SPATA13: variants seen among roughly 807,000 people sequenced by gnomAD.
SPATA13 encodes spermatogenesis-associated protein 13.
A neutral mutation model predicts 104.0 loss-of-function variants in SPATA13; 50 were observed. The observed-to-expected ratio is 0.48, with a 90% CI of 0.38 to 0.61. The LOEUF (loss-of-function observed/expected upper bound fraction) is 0.61. Ranked by LOEUF, SPATA13 falls within the 20% of genes least tolerant of loss-of-function variation. SPATA13 has a pLI of 0.00. For missense variants in SPATA13, 1,524 were observed against 1,690.6 expected (o/e 0.90, Z 1.73); for synonymous variants, 606 against 667.5 (o/e 0.91, Z 1.42).
intron 1 of SPATA13, among the ~76,000 whole-genome samples, chr13:24,177,898 C>T (rs1566134802): frequency 6.6e-6 from 1 of 151,668 alleles, no homozygotes; most frequent in Non-Finnish European, 1.5e-5. Flanking sequence ...ACTTTGTCAC[C>T]CAGGCTGGAG....
chr13:24,223,237 A>G lies in SPATA13; in HGVS notation c.308A>G (p.Asn103Ser). The G allele has an allele frequency of 6.4e-7, 1 of 1,551,716 alleles. No homozygotes were observed. The highest frequency in any genetic ancestry group is 1.2e-5 in the South Asian group (1 of 84,058). Residue 103 changes from asparagine (N) to serine (S), a missense_variant, in exon 2 of 13, where the codon AAC becomes AGC. Transcript: ENST00000382108. ...MVLVGNSSTWNTLASFRKMGS... is the reference protein window; with the variant it reads ...MVLVGNSSTWSTLASFRKMGS... ...CTGGTGGGGAACTCCTCCACATGGA[A>G]CACCCTCGCCTCCTTCCGGAAAATG...
rs1458068316 is a variant in SPATA13 at position 24,103,504 on chromosome 13, A to AAAAAAAAAAAAAAG, written c.-112+85804_-112+85805insAAAAAAAAAAAAGA. Among the ~76,000 whole-genome samples the AAAAAAAAAAAAAAG allele has an allele frequency of 6.5e-4, 75 of 115,586 alleles. 3 individuals carry two copies. Among genetic ancestry groups the AAAAAAAAAAAAAAG allele is most frequent in the Non-Finnish European group, 9.7e-4 (54 of 55,952 alleles). The allele number at this position is 115,586 out of a possible 152,430, so 75.8% of individuals were successfully genotyped here. On this transcript the variant is annotated intron_variant, in intron 3 of 14. Transcript: ENST00000424834. Reference sequence around the variant, plus strand: ...TGTCTCAAAAAAAAAAAAAAAAAACAAGAAAGAAAAGAGCAGGGGAGGAGA... The same window carrying AAAAAAAAAAAAAAG: ...TGTCTCAAAAAAAAAAAAAAAAAACAAAAAAAAAAAAAAGAGAAAGAAAAGAGCAGGGGAGGAGA...
At chr13:24,299,614 G>T (rs1877039628) in intron 11 of SPATA13, among the ~76,000 whole-genome samples, 1 of 152,322 alleles carries the variant, frequency 6.6e-6, no homozygotes, top group Middle Eastern at 3.4e-3. Flanking sequence ...AGTGGGCAGA[G>T]GTAGAGAGGG....
chr13:24,174,695 G>C (rs1482883577), intron 1 of SPATA13, among the ~76,000 whole-genome samples: 2 of 152,124 alleles, frequency 1.3e-5, no homozygotes, highest in Non-Finnish European at 2.9e-5. Context: ...TCCTGCCTCA[G>C]TCTCCCAAGT....
chr13:24,062,356 G>A (rs1335031317), intron 3 of SPATA13, among the ~76,000 whole-genome samples: 1 of 152,224 alleles, frequency 6.6e-6, no homozygotes, highest in Non-Finnish European at 1.5e-5. Flanking sequence ...GGGGGCAGGA[G>A]GCCAGGGACT....
In SPATA13 at chr13:24,173,362, TTGTGTGTGTGTG is replaced by T. The variant is rs60850610; in HGVS notation, c.-112+12459_-112+12470del. On this transcript the variant is annotated intron_variant, in intron 1 of 12. Transcript: ENST00000382108. ...GTGGAACTCACTCATTAGTTCTTAGTTGTGTGTGTGTGTGTGTGTGTGTGTGTGTGTGTGTGT... is the reference window on the plus strand; with the variant it reads ...GTGGAACTCACTCATTAGTTCTTAGTTGTGTGTGTGTGTGTGTGTGTGTGT... Among the ~76,000 whole-genome samples the T allele has an allele frequency of 7.7e-3, 1,135 of 146,828 alleles. 2 individuals are homozygous for T. Among genetic ancestry groups the T allele is most frequent in the African/African-American group, 0.012 (469 of 39,318 alleles).
chr13:24,020,931 A>G (rs1244262390), intron 3 of SPATA13, among the ~76,000 whole-genome samples: 1 of 152,136 alleles, frequency 6.6e-6, no homozygotes, highest in East Asian at 1.9e-4. Context: ...AATCCCAGCT[A>G]CTCAGGAGGC....
chr13:23,992,993 A>G (rs904938995), intron 2 of SPATA13, among the ~76,000 whole-genome samples: 4 of 152,244 alleles, frequency 2.6e-5, no homozygotes, highest in Admixed American at 1.3e-4. Context: ...GCTGCCTGTC[A>G]TATTTTCACC....
chr13:24,163,115 G>C (rs1353998135), intron 1 of SPATA13, among the ~76,000 whole-genome samples: 1 of 152,168 alleles, frequency 6.6e-6, no homozygotes, highest in Non-Finnish European at 1.5e-5. Flanking sequence ...AAAATGACCT[G>C]GCTGGGCACA....
intron 2 of SPATA13, among the ~76,000 whole-genome samples, chr13:24,241,156 T>TA (rs1215257045): frequency 6.6e-6 from 1 of 152,198 alleles, no homozygotes; most frequent in Non-Finnish European, 1.5e-5. Context: ...AAGATCCTAG[T>TA]AAAAAATGCA....
At chr13:24,084,651 G>C (rs1460510663) in intron 3 of SPATA13, among the ~76,000 whole-genome samples, 1 of 152,168 alleles carries the variant, frequency 6.6e-6, no homozygotes, top group African/African-American at 2.4e-5. Flanking sequence ...CACTTACCAG[G>C]TGTTCAGGGG....
chr13:24,291,751 T>TTA (rs1566197903), intron 9 of SPATA13, among the ~76,000 whole-genome samples: 21 of 74,460 alleles, frequency 2.8e-4, no homozygotes, highest in African/African-American at 1.0e-3. Context: ...TTTTTTTATT[T>TTA]TTTTATTTTT....
At position 24,303,969 on chromosome 13, in the gene SPATA13, G is replaced by A. The variant is rs1259318550; in HGVS notation, c.*1196G>A. 1.3e-5 allele frequency: 2 copies of A among 152,202 alleles called. No individual in the cohort carries two copies. Among genetic ancestry groups the A allele is most frequent in the Non-Finnish European group, 2.9e-5 (2 of 68,042 alleles). The allele number at this position is 152,202 out of a possible 1,614,324, so 9.4% of individuals were successfully genotyped here. On this transcript the variant is annotated 3_prime_UTR_variant, in exon 13 of 13. Transcript: ENST00000382108. Reference sequence around the variant, plus strand: ...TTGCAATATAAAAAGCTCATTTACTGTAATATTTATGATACAGTGAATATG... The same window carrying A: ...TTGCAATATAAAAAGCTCATTTACTATAATATTTATGATACAGTGAATATG...
At chr13:24,145,449 G>A (rs572806961) in intron 3 of SPATA13, among the ~76,000 whole-genome samples, 5 of 152,282 alleles carry the variant, frequency 3.3e-5, no homozygotes, top group South Asian at 4.1e-4. Context: ...CTACCAGCAC[G>A]TTCCTCTGAT....
intron 3 of SPATA13, among the ~76,000 whole-genome samples, chr13:24,065,623 C>G (rs1407851928): frequency 2.0e-5 from 3 of 146,772 alleles, no homozygotes; most frequent in Non-Finnish European, 4.5e-5. Context: ...GAGAGACGTC[C>G]CCTAAGCCAC....
chr13:24,006,743 G>A (rs552279390), intron 2 of SPATA13, among the ~76,000 whole-genome samples: 8 of 152,286 alleles, frequency 5.3e-5, no homozygotes, highest in Middle Eastern at 3.4e-3. Flanking sequence ...AGCTGGGAGA[G>A]CACCGGGACA....
chr13:24,116,889 C>T (rs1880865064), intron 3 of SPATA13, among the ~76,000 whole-genome samples: 1 of 152,004 alleles, frequency 6.6e-6, no homozygotes, highest in Non-Finnish European at 1.5e-5. Context: ...TGAAGAGATA[C>T]CAGAGACCTT....
At chr13:24,127,274 A>G (rs1881249825) in intron 3 of SPATA13, among the ~76,000 whole-genome samples, 1 of 152,178 alleles carries the variant, frequency 6.6e-6, no homozygotes. Flanking sequence ...GGGTGGGAGT[A>G]GGGCATTGCC....
intron 1 of SPATA13, among the ~76,000 whole-genome samples, chr13:24,183,788 G>A (rs994765135): frequency 1.3e-5 from 2 of 152,024 alleles, no homozygotes; most frequent in Non-Finnish European, 2.9e-5. Context: ...GGTGAGAAGG[G>A]GGCGGGGTGA....
Sources: allele counts gnomAD v4.1 joint callset (sites outside exome capture counted in the v4.1 genomes callset), GRCh38; gene constraint gnomAD v4.1.1; transcripts MANE v1.5; gene names NCBI Gene and HGNC (gene_info 2026-07-23, HGNC 2026-07-21).